The following CD44 variants were observed in gnomAD, a reference collection of about 807,000 sequenced individuals.
CD44 encodes CD44 molecule (IN blood group).
CD44 carries 49 observed loss-of-function variants against 88.8 expected under a neutral mutation model. The ratio of observed to expected loss-of-function variants is 0.55; its 90% CI spans 0.44 to 0.70. The LOEUF (loss-of-function observed/expected upper bound fraction) is 0.70. CD44 is among the 30% of genes least tolerant of loss of function. The pLI, the probability that CD44 is intolerant of heterozygous loss-of-function variation, is 0.00. For missense variants in CD44, 883 were observed against 913.8 expected (o/e 0.97, Z 0.43); for synonymous variants, 325 against 312.3 (o/e 1.04, Z -0.43).
chr11:35,225,068 T>C (rs572849427), intron 17 of CD44, among the ~76,000 whole-genome samples: 1 of 152,286 alleles, frequency 6.6e-6, no homozygotes, highest in African/African-American at 2.4e-5. Flanking sequence ...ATTCTATACC[T>C]CCACTGTCCA....
At chr11:35,141,369 A>G (rs1415011521) in intron 1 of CD44, among the ~76,000 whole-genome samples, 3 of 152,234 alleles carry the variant, frequency 2.0e-5, no homozygotes, top group Non-Finnish European at 2.9e-5. Flanking sequence ...AAGTTCCAAA[A>G]GGGACTGGAG....
In CD44 at chr11:35,178,815, CTG is replaced by C. The variant is rs1565073323; in HGVS notation, c.234-1456_234-1455del. Among the ~76,000 whole-genome samples the C allele has an allele frequency of 3.3e-5, 5 of 152,288 alleles. No individual in the cohort carries two copies. In the South Asian group the frequency reaches 1.0e-3, roughly 32 times the overall value. ...CACCAAGAAGTATTATTTAGAAAAA[CTG>C]TGCCAAAGAAATCTATCATTTCACC... is the stretch of plus-strand genomic sequence containing the variant. On this transcript the variant is annotated intron_variant, in intron 2 of 17. Coordinates refer to ENST00000428726, the MANE Select transcript of CD44 (RefSeq NM_000610.4).
intron 16 of CD44, 102 bp downstream of exon 16, chr11:35,219,489 T>A (rs1949115339): frequency 1.3e-6 from 1 of 783,664 alleles, no homozygotes; most frequent in African/African-American, 1.7e-5. Flanking sequence ...TTCTCCACAA[T>A]GCCCAACATA....
intron 17 of CD44, among the ~76,000 whole-genome samples, chr11:35,228,486 A>G (rs1255198519): frequency 6.6e-6 from 1 of 152,246 alleles, no homozygotes; most frequent in African/African-American, 2.4e-5. Context: ...ATGATTTACA[A>G]TCATCATGTT....
intron 7 of CD44, among the ~76,000 whole-genome samples, chr11:35,199,961 T>A (rs981592405): frequency 1.4e-3 from 164 of 120,828 alleles, no homozygotes; most frequent in African/African-American, 5.7e-3. Context: ...TTTTTTTTTT[T>A]AATTTTTTAA....
In CD44 at chr11:35,219,373, C is replaced by T. The variant is rs761349956; in HGVS notation, c.1931C>T (p.Thr644Ile). ...AACACAACCTCTGGTCCTATAAGGA[C>T]ACCCCAAATTCCAGGTGAGTTTCAA... Reference protein sequence around the residue: ...GANTTSGPIRTPQIPEWLIIL... With the variant: ...GANTTSGPIRIPQIPEWLIIL... The change falls in exon 16 of 18, where the codon ACA becomes ATA. Residue 644 changes from threonine to isoleucine, a missense_variant. Physicochemically the swap from Thr to Ile is moderately conservative, Grantham distance 89. Around this residue, in one of 2 missense-constraint regions of CD44, gnomAD observed 631 missense variants for 590.9 expected, o/e 1.07. Transcript: ENST00000428726. 2.5e-6 allele frequency: 4 copies of T among 1,613,276 alleles called. No homozygotes were observed. Among genetic ancestry groups the T allele is most frequent in the Non-Finnish European group, 3.4e-6 (4 of 1,179,404 alleles).
intron 1 of CD44, among the ~76,000 whole-genome samples, chr11:35,173,723 T>C (rs1944157464): frequency 6.6e-6 from 1 of 152,218 alleles, no homozygotes; most frequent in Non-Finnish European, 1.5e-5. Context: ...AGACATTGTT[T>C]CCTCGTGGTT....
rs191739259 is a variant in CD44 at position 35,213,568 on chromosome 11, C to T, written c.1811-1284C>T. 9.1e-3 allele frequency: 1,393 copies of T among 152,336 alleles called. 9 individuals carry two copies. The highest frequency in any genetic ancestry group is 0.015 in the Non-Finnish European group (1,000 of 68,058). 9.4% of individuals were successfully genotyped at this position (152,336 alleles called of 1,614,324 possible). The stretch of plus-strand genomic sequence containing the variant: ...TCAGGAGACTAAGGCATGAAAATCA[C>T]TTGAACCCAGGAATTGGAGGTTGCA... On this transcript the variant is annotated intron_variant, in intron 14 of 17. Coordinates refer to ENST00000428726, the MANE Select transcript of CD44 (RefSeq NM_000610.4).
In CD44 at chr11:35,229,608, G is replaced by A. The variant is rs1949960283; in HGVS notation, c.*275G>A. ...CTTGGAGGCCTTTCATCCCTCGGGT[G>A]TGCTATGGATGGCTTCTAACAAAAA... On this transcript the variant is annotated 3_prime_UTR_variant, in exon 18 of 18. Transcript: ENST00000428726. The A allele has an allele frequency of 2.3e-6, 1 of 435,060 alleles. No homozygotes were observed. Among genetic ancestry groups the A allele is most frequent in the South Asian group, 2.8e-5 (1 of 36,048 alleles). The allele number at this position is 435,060 out of a possible 1,614,324, so 26.9% of individuals were successfully genotyped here. A position where few individuals can be genotyped will look rare whatever the true frequency, so the allele number is the denominator to read the frequency against.
chr11:35,211,236 C>T lies in CD44; in HGVS notation c.1607-10C>T. Reference sequence around the variant, plus strand: ...AATACGGGTTCATCACTGATTCCACCTCCACACAGATAGGAATGATGTCAC... The same window carrying T: ...AATACGGGTTCATCACTGATTCCACTTCCACACAGATAGGAATGATGTCAC... On this transcript the variant is annotated splice_polypyrimidine_tract_variant and intron_variant, in intron 13 of 17. Transcript: ENST00000428726. 1.9e-6 allele frequency: 3 copies of T among 1,609,848 alleles called. No individual in the cohort carries two copies. The highest frequency in any genetic ancestry group is 2.6e-6 in the Non-Finnish European group (3 of 1,176,256).
intron 17 of CD44, among the ~76,000 whole-genome samples, chr11:35,228,674 G>T (rs916238064): frequency 6.6e-6 from 1 of 152,170 alleles, no homozygotes; most frequent in Admixed American, 6.5e-5. Context: ...GATCCCCAAG[G>T]TTTCTTCACT....
At chr11:35,181,856 TA>T (rs1945062023) in intron 3 of CD44, among the ~76,000 whole-genome samples, 1 of 95,300 alleles carries the variant, frequency 1.0e-5, no homozygotes, top group African/African-American at 5.0e-5. Flanking sequence ...TATTTATATA[TA>T]AATTTATATA....
chr11:35,171,349 A>G (rs1943864846), intron 1 of CD44, among the ~76,000 whole-genome samples: 1 of 152,226 alleles, frequency 6.6e-6, no homozygotes, highest in Non-Finnish European at 1.5e-5. Flanking sequence ...TAAGTAGCTA[A>G]ATAGCGTCAG....
Position 35,232,367 on chromosome 11 carries a change from T to C in CD44, c.*3034T>C, listed in dbSNP as rs1950100142. 6.6e-6 allele frequency: 1 copy of C among 152,512 alleles called. No homozygotes were observed. 9.4% of individuals were successfully genotyped at this position (152,512 alleles called of 1,614,324 possible). A position where few individuals can be genotyped will look rare whatever the true frequency, so the allele number is the denominator to read the frequency against. On this transcript the variant is annotated 3_prime_UTR_variant, in exon 18 of 18. Transcript: ENST00000428726. ...AGTTGAAAGCACTTATTGGAAAATA[T>C]TAAAAGGCTAACATTAAAAGACTAA... is the stretch of plus-strand genomic sequence containing the variant.
At chr11:35,150,732 A>G (rs1860146058) in intron 1 of CD44, among the ~76,000 whole-genome samples, 1 of 152,176 alleles carries the variant, frequency 6.6e-6, no homozygotes, top group African/African-American at 2.4e-5. Flanking sequence ...TCTCCAGCTA[A>G]TCATACAGAC....
chr11:35,161,812 CTTAT>C, intron 1 of CD44, among the ~76,000 whole-genome samples: 1 of 152,244 alleles, frequency 6.6e-6, no homozygotes, highest in Middle Eastern at 3.4e-3. Flanking sequence ...AATTCCAAAT[CTTAT>C]TTAATCTGTG....
intron 1 of CD44, among the ~76,000 whole-genome samples, chr11:35,175,864 C>CTT (rs71457374): frequency 0.011 from 1,380 of 123,138 alleles, 19 homozygotes; most frequent in African/African-American, 0.015. Flanking sequence ...TTTGTTTGTT[C>CTT]TTTTTTTTTT....
chr11:35,187,157 C>G (rs1379146332), intron 4 of CD44, among the ~76,000 whole-genome samples: 4 of 151,944 alleles, frequency 2.6e-5, no homozygotes, highest in Non-Finnish European at 5.9e-5. Flanking sequence ...GCCTGTAATC[C>G]CAGCTGCTCA....
At position 35,215,009 on chromosome 11, in the gene CD44, G is replaced by T; in HGVS notation, c.1873+95G>T. The T allele has an allele frequency of 4.4e-6, 3 of 675,780 alleles. No individual in the cohort carries two copies. In the South Asian group the frequency reaches 9.8e-5, roughly 22 times the overall value. The allele number at this position is 675,780 out of a possible 1,614,324, so 41.9% of individuals were successfully genotyped here. A position where few individuals can be genotyped will look rare whatever the true frequency, so the allele number is the denominator to read the frequency against. ...ATGAGTCAGTGTCTCCAGAGAAGTGGTTCTCAAACCTTCTTAGCATACATC... is the reference window on the plus strand; with the variant it reads ...ATGAGTCAGTGTCTCCAGAGAAGTGTTTCTCAAACCTTCTTAGCATACATC... On this transcript the variant is annotated intron_variant, in intron 15 of 17. Transcript: ENST00000428726.
Sources: allele counts gnomAD v4.1 joint callset (sites outside exome capture counted in the v4.1 genomes callset), GRCh38; gene constraint gnomAD v4.1.1; regional missense constraint gnomAD v4.1.1; transcripts MANE v1.5; gene names NCBI Gene and HGNC (gene_info 2026-07-23, HGNC 2026-07-21).